Variants in PHLPP2 observed in about 807,000 individuals in gnomAD.
PHLPP2 encodes PH domain and leucine rich repeat protein phosphatase 2, also known as PH domain leucine-rich repeat-containing protein phosphatase 2.
In PHLPP2, 66 loss-of-function variants were observed where a neutral mutation model predicts 124.9. The ratio of observed to expected loss-of-function variants is 0.53; its 90% CI spans 0.43 to 0.65. PHLPP2 has a LOEUF of 0.65. PHLPP2 is among the 30% of genes least tolerant of loss of function. PHLPP2 has a pLI of 0.00. For synonymous variants in PHLPP2, 681 were observed against 624.7 expected (o/e 1.09, Z -1.34); for missense variants, 1,685 against 1,600.4 (o/e 1.05, Z -0.90).
At chr16:71,691,965 A>G (rs182309612) in intron 3 of PHLPP2, among the ~76,000 whole-genome samples, 26 of 152,162 alleles carry the variant, frequency 1.7e-4, no homozygotes, top group Admixed American at 5.9e-4. Flanking sequence ...CAACAACAAA[A>G]AGGGACAACT....
chr16:71,703,704 T>C (rs531487974), intron 2 of PHLPP2, among the ~76,000 whole-genome samples: 38 of 152,282 alleles, frequency 2.5e-4, no homozygotes, highest in Admixed American at 1.8e-3. Context: ...CCAGTATATT[T>C]ACTCTCACTG....
Position 71,647,891 on chromosome 16 carries a change from C to T in PHLPP2, c.*999G>A, listed in dbSNP as rs534582133. On this transcript the variant is annotated 3_prime_UTR_variant, in exon 19 of 19. Transcript: ENST00000568954. ...TCAACTTCACAGGGCCCTTCCTATA[C>T]CCTCGAATAAGTCTCCAACACCCAG... 2.0e-5 allele frequency: 3 copies of T among 152,586 alleles called. No individual in the cohort carries two copies. Among genetic ancestry groups the T allele is most frequent in the East Asian group, 1.9e-4 (1 of 5,200 alleles). 9.5% of individuals were successfully genotyped at this position (152,586 alleles called of 1,614,324 possible). A position where few individuals can be genotyped will look rare whatever the true frequency, so the allele number is the denominator to read the frequency against.
intron 17 of PHLPP2, among the ~76,000 whole-genome samples, chr16:71,654,178 G>C (rs2044721272): frequency 8.5e-6 from 1 of 117,876 alleles, no homozygotes; most frequent in South Asian, 3.1e-4. Flanking sequence ...CTGGGGGACA[G>C]AGCAAGAAGA....
intron 3 of PHLPP2, among the ~76,000 whole-genome samples, chr16:71,696,684 G>A (rs1597010527): frequency 6.6e-6 from 1 of 150,730 alleles, no homozygotes; most frequent in Non-Finnish European, 1.5e-5. Context: ...TAAGAATCAT[G>A]TCCTCTTCCC....
At chr16:71,672,139 T>G (rs527875138) in intron 10 of PHLPP2, 123 bp downstream of exon 10, 2 of 694,618 alleles carry the variant, frequency 2.9e-6, no homozygotes, top group Admixed American at 4.9e-5. Flanking sequence ...TCCTTTCTCC[T>G]TTTTCCAGGT....
At position 71,652,883 on chromosome 16, in the gene PHLPP2, A is replaced by G; in HGVS notation, c.2724T>C (p.Gly908=). The change falls in exon 18 of 19, where the codon GGT becomes GGC. Residue 908 remains glycine (G), a synonymous_variant. Coordinates refer to ENST00000568954, the MANE Select transcript of PHLPP2 (RefSeq NM_015020.3). The part of the protein sequence containing the change: ...VGTCQAVLCR[G]GKPVPLSKVF... Reference sequence around the variant, plus strand: ...CTTTAGAGAGGGGCACTGGCTTCCCACCTCGGCACAGGACTGCTTGGCACG... The same window carrying G: ...CTTTAGAGAGGGGCACTGGCTTCCCGCCTCGGCACAGGACTGCTTGGCACG... 6.2e-7 allele frequency: 1 copy of G among 1,614,020 alleles called. No individual in the cohort carries two copies. Among genetic ancestry groups the G allele is most frequent in the Non-Finnish European group, 8.5e-7 (1 of 1,180,002 alleles).
At chr16:71,671,271 CAGTT>C (rs2044890367) in intron 10 of PHLPP2, among the ~76,000 whole-genome samples, 3 of 152,136 alleles carry the variant, frequency 2.0e-5, no homozygotes, top group African/African-American at 4.8e-5. Flanking sequence ...CTGGCTACAA[CAGTT>C]AGTATTTCTT....
chr16:71,720,865 A>C (rs2045393940), intron 1 of PHLPP2, among the ~76,000 whole-genome samples: 1 of 143,996 alleles, frequency 6.9e-6, no homozygotes, highest in Non-Finnish European at 1.5e-5. Flanking sequence ...CGGAAAAAAA[A>C]ACAAAAGACG....
intron 9 of PHLPP2, 58 bp from the exon 10 acceptor site, chr16:71,672,380 G>A (rs2044902865): frequency 1.7e-6 from 2 of 1,205,544 alleles, no homozygotes; most frequent in Non-Finnish European, 2.5e-6. Context: ...GTAACTGAGA[G>A]CTGACAATGG....
At chr16:71,661,244 T>A (rs2044787603) in intron 13 of PHLPP2, among the ~76,000 whole-genome samples, 1 of 152,022 alleles carries the variant, frequency 6.6e-6, no homozygotes, top group South Asian at 2.1e-4. Flanking sequence ...CTGATTTTTG[T>A]ATTTTTAGTA....
At chr16:71,717,383 T>C (rs1481422814) in intron 1 of PHLPP2, among the ~76,000 whole-genome samples, 2 of 152,204 alleles carry the variant, frequency 1.3e-5, no homozygotes, top group Non-Finnish European at 2.9e-5. Context: ...AAACTGATCA[T>C]TTTGCAGATC....
intron 2 of PHLPP2, among the ~76,000 whole-genome samples, chr16:71,704,293 G>A (rs574107499): frequency 1.5e-5 from 2 of 133,946 alleles, no homozygotes; most frequent in Non-Finnish European, 3.1e-5. Flanking sequence ...CTGGGCGACA[G>A]TGAGACTCTG....
intron 9 of PHLPP2, among the ~76,000 whole-genome samples, chr16:71,674,898 A>G (rs980934733): frequency 6.6e-6 from 1 of 152,202 alleles, no homozygotes; most frequent in Non-Finnish European, 1.5e-5. Flanking sequence ...TCAGGAGGCT[A>G]AGAGAAGAGA....
intron 1 of PHLPP2, among the ~76,000 whole-genome samples, chr16:71,721,611 T>A (rs994331054): frequency 3.9e-5 from 6 of 151,912 alleles, no homozygotes; most frequent in East Asian, 1.9e-4. Context: ...AAAATCTTTT[T>A]AAATTTTTTT....
intron 10 of PHLPP2, among the ~76,000 whole-genome samples, chr16:71,671,643 G>A (rs532529979): frequency 1.8e-4 from 27 of 152,022 alleles, no homozygotes; most frequent in Middle Eastern, 3.4e-3. Context: ...GGCTGGGCTC[G>A]GTGGCTCACG....
rs764598355 is a variant in PHLPP2, at chr16:71,649,120, G to C, written c.3742C>G (p.Leu1248Val). 23 of 1,613,892 alleles carry C rather than the reference G, an allele frequency of 1.4e-5. No individual in the cohort carries two copies. The highest frequency in any genetic ancestry group is 1.9e-5 in the Non-Finnish European group (23 of 1,179,896). Residue 1248 changes from leucine to valine, a missense_variant, in exon 19 of 19, where the codon CTA becomes GTA. Transcript: ENST00000568954. ...TCAATGAGGTTCAGGCTGTCCTCTA[G>C]GGGCACAATAGAGCCATTGGAGAGT... ...KKLSNGSIVPLEDSLNLIEVA... is the reference protein window; with the variant it reads ...KKLSNGSIVPVEDSLNLIEVA...
At chr16:71,653,053 G>GT (rs774113314) in intron 17 of PHLPP2, 32 bp from the exon 18 acceptor site, 1 of 1,470,578 alleles carries the variant, frequency 6.8e-7, no homozygotes, top group African/African-American at 1.4e-5. Flanking sequence ...AGAAGACGTG[G>GT]TGGCTAGTTT....
rs1246233693 is a variant in PHLPP2 at position 71,715,561 on chromosome 16, C to A, written c.-6-760G>T. ...AGCTGTGGTGGCACACGCCTGTAAT[C>A]CTAGCTACCTGGGAGGCAGAGGTGT... is the stretch of plus-strand genomic sequence containing the variant. On this transcript the variant is annotated intron_variant, in intron 1 of 18. Transcript: ENST00000568954. The A allele has an allele frequency of 2.0e-5, 3 of 152,002 alleles. No homozygotes were observed. In the East Asian group the frequency reaches 5.8e-4, roughly 29 times the overall value. The allele number at this position is 152,002 out of a possible 1,614,324, so 9.4% of individuals were successfully genotyped here.
chr16:71,674,549 A>G (rs987934483), intron 9 of PHLPP2, among the ~76,000 whole-genome samples: 1 of 151,836 alleles, frequency 6.6e-6, no homozygotes. Context: ...AACTATCACA[A>G]TATACATTTA....
Sources: gnomAD v4.1 joint callset for allele counts (sites outside exome capture counted in the v4.1 genomes callset) on GRCh38, gnomAD v4.1.1 for gene constraint, MANE v1.5 for transcripts, NCBI Gene and HGNC (gene_info 2026-07-23, HGNC 2026-07-21) for gene names.